The following ATP10B variants were observed in gnomAD, a reference collection of about 807,000 sequenced individuals.
The protein encoded by ATP10B is ATPase phospholipid transporting 10B (putative).
A neutral mutation model predicts 141.2 loss-of-function variants in ATP10B; 122 were observed. The observed-to-expected ratio is 0.86, with a 90% CI of 0.75 to 1.00. ATP10B has a LOEUF of 1.00. Ranked by LOEUF, ATP10B falls within the 50% of genes least tolerant of loss-of-function variation. The pLI, the probability that ATP10B is intolerant of heterozygous loss-of-function variation, is 0.00. For synonymous variants in ATP10B, 685 were observed against 692.0 expected, an observed-to-expected ratio of 0.99 and a Z score of 0.16; for missense variants, 1,876 against 1,825.3, an observed-to-expected ratio of 1.03 and a Z score of -0.51.
At position 160,622,975 on chromosome 5, in the gene ATP10B, C is replaced by T. The variant is rs377615069; in HGVS notation, c.1621-390G>A. On this transcript the variant is annotated intron_variant, in intron 13 of 25. Coordinates refer to ENST00000327245, the MANE Select transcript of ATP10B (RefSeq NM_025153.3). ...CAGTCTTCTTAAAACTCCATTTCCTCCTGGCATTCTTGACTTCAAAAAACC... is the reference window on the plus strand; with the variant it reads ...CAGTCTTCTTAAAACTCCATTTCCTTCTGGCATTCTTGACTTCAAAAAACC... Among the ~76,000 whole-genome samples, 25 of 152,298 alleles carry T rather than the reference C, an allele frequency of 1.6e-4. 1 individual carries two copies. The South Asian group carries it at 5.2e-3, about 32-fold the overall frequency.
At chr5:160,701,860 T>C (rs536729786) in intron 3 of ATP10B, among the ~76,000 whole-genome samples, 1 of 151,468 alleles carries the variant, frequency 6.6e-6, no homozygotes, top group South Asian at 2.1e-4. Flanking sequence ...CTGGGAGCAG[T>C]TACCCCTCTG....
chr5:160,748,556 A>G (rs543662433), intron 2 of ATP10B, among the ~76,000 whole-genome samples: 1 of 152,312 alleles, frequency 6.6e-6, no homozygotes, highest in South Asian at 2.1e-4. Context: ...CTCGGCCTGC[A>G]GAGAGGGCTG....
At chr5:160,646,342 C>G (rs1054406767) in intron 8 of ATP10B, among the ~76,000 whole-genome samples, 4 of 152,246 alleles carry the variant, frequency 2.6e-5, no homozygotes, top group East Asian at 3.9e-4. Flanking sequence ...GTTTGTCTAT[C>G]CTACTTTTTA....
chr5:160,847,943 C>T (rs1161938739), intron 1 of ATP10B, among the ~76,000 whole-genome samples: 1 of 151,996 alleles, frequency 6.6e-6, no homozygotes, highest in Non-Finnish European at 1.5e-5. Context: ...ATATCAGCGC[C>T]CACATCTCTC....
chr5:160,698,934 T>C (rs1314452707), intron 3 of ATP10B, among the ~76,000 whole-genome samples: 3 of 152,216 alleles, frequency 2.0e-5, no homozygotes, highest in African/African-American at 7.2e-5. Context: ...CTCATCCCCA[T>C]GTCAGACCCC....
At chr5:160,908,806 C>T in the ATP10B span, among the ~76,000 whole-genome samples, 1 of 152,138 alleles carries the variant, frequency 6.6e-6, no homozygotes, top group Admixed American at 6.5e-5. Flanking sequence ...GGTTAGCAGG[C>T]TATACAGTTT....
chr5:160,704,795 G>T (rs1288296980), intron 3 of ATP10B, among the ~76,000 whole-genome samples: 1 of 151,894 alleles, frequency 6.6e-6, no homozygotes, highest in East Asian at 1.9e-4. Context: ...ACTTGCCACA[G>T]CTTCTACATC....
At chr5:160,920,795 T>C in the ATP10B span, among the ~76,000 whole-genome samples, 7 of 152,284 alleles carry the variant, frequency 4.6e-5, no homozygotes, top group East Asian at 1.2e-3. Flanking sequence ...CTAAAAACCT[T>C]GGTGGGACTT....
intron 23 of ATP10B, 66 bp downstream of exon 23, chr5:160,590,993 C>T: frequency 1.4e-6 from 2 of 1,394,648 alleles, no homozygotes; most frequent in South Asian, 1.2e-5. Context: ...TGGTCTGGAA[C>T]TTTATATAAA....
At chr5:160,820,075 TCAA>T (rs1561890837) in intron 1 of ATP10B, among the ~76,000 whole-genome samples, 1 of 149,528 alleles carries the variant, frequency 6.7e-6, no homozygotes, top group Non-Finnish European at 1.5e-5. Context: ...AGTACAAAAA[TCAA>T]CAAAACAAAA....
Position 160,612,822 on chromosome 5 carries a change from C to T in ATP10B, c.2757G>A (p.Gln919=). The change falls in exon 18 of 26, where the codon CAG becomes CAA. Residue 919 remains glutamine, a synonymous_variant. Transcript: ENST00000327245. Reference sequence around the variant, plus strand: ...AATGGGCAATGTTGACCGCTGTCTCCTGCTTATCTCCAGTCAGGACCCAGA... The same window carrying T: ...AATGGGCAATGTTGACCGCTGTCTCTTGCTTATCTCCAGTCAGGACCCAGA... ...IQLWVLTGDK[Q]ETAVNIAHSC... is the part of the protein sequence containing the mutation. The T allele has an allele frequency of 6.2e-7, 1 of 1,614,116 alleles. No homozygotes were observed. The highest frequency in any genetic ancestry group is 8.5e-7 in the Non-Finnish European group (1 of 1,180,000).
intron 7 of ATP10B, among the ~76,000 whole-genome samples, chr5:160,666,310 G>A (rs1172648269): frequency 6.6e-6 from 1 of 152,080 alleles, no homozygotes; most frequent in Non-Finnish European, 1.5e-5. Context: ...TGGTGATACA[G>A]AAGGATGCAT....
At chr5:160,568,782 A>T (rs989573001) in intron 25 of ATP10B, among the ~76,000 whole-genome samples, 2 of 152,184 alleles carry the variant, frequency 1.3e-5, no homozygotes, top group Admixed American at 1.3e-4. Flanking sequence ...CTATGTCAAG[A>T]GTGAGCTCCA....
intron 10 of ATP10B, among the ~76,000 whole-genome samples, chr5:160,637,313 C>T (rs1759486244): frequency 6.6e-6 from 1 of 152,052 alleles, no homozygotes; most frequent in Non-Finnish European, 1.5e-5. Context: ...ACCTACTTAC[C>T]CATCCATCCA....
At chr5:160,747,281 C>G (rs1432790) in intron 2 of ATP10B, among the ~76,000 whole-genome samples, 1 of 151,880 alleles carries the variant, frequency 6.6e-6, no homozygotes, top group African/African-American at 2.4e-5. Context: ...TGGATTCCTT[C>G]CTAGTACTTT....
intron 1 of ATP10B, among the ~76,000 whole-genome samples, chr5:160,793,583 T>C (rs973488589): frequency 4.6e-5 from 7 of 152,242 alleles, no homozygotes; most frequent in African/African-American, 1.7e-4. Flanking sequence ...TTCTGTCACC[T>C]AATGCCGACA....
At chr5:160,785,005 G>T (rs752282146) in intron 2 of ATP10B, among the ~76,000 whole-genome samples, 1 of 152,096 alleles carries the variant, frequency 6.6e-6, no homozygotes, top group Non-Finnish European at 1.5e-5. Flanking sequence ...AATCATGGTG[G>T]TTCCATTTGC....
At chr5:160,605,348 T>A (rs1190487326) in intron 19 of ATP10B, among the ~76,000 whole-genome samples, 1 of 152,262 alleles carries the variant, frequency 6.6e-6, no homozygotes, top group Non-Finnish European at 1.5e-5. Flanking sequence ...TGCATAGCAA[T>A]GCATAATTTT....
chr5:160,736,114 A>G (rs1366011502), intron 2 of ATP10B, among the ~76,000 whole-genome samples: 1 of 152,178 alleles, frequency 6.6e-6, no homozygotes, highest in African/African-American at 2.4e-5. Context: ...AAATTAGTCG[A>G]AGAAAAGAAA....
Sources: allele counts gnomAD v4.1 joint callset (sites outside exome capture counted in the v4.1 genomes callset), GRCh38; gene constraint gnomAD v4.1.1; transcripts MANE v1.5; gene names NCBI Gene and HGNC (gene_info 2026-07-23, HGNC 2026-07-21).